The following FABP6 variants were observed in gnomAD, a reference collection of about 807,000 sequenced individuals.
The protein encoded by FABP6 is fatty acid binding protein 6, also known as gastrotropin.
Under a neutral mutation model 14.9 loss-of-function variants are expected in FABP6, and 13 were observed. The ratio of observed to expected loss-of-function variants is 0.87; its 90% CI spans 0.57 to 1.39. The LOEUF is 1.39. Among genes scored for constraint, FABP6 ranks in the 40% most tolerant of loss-of-function variants. The probability of loss-of-function intolerance (pLI) is 0.00; values close to 1 mark genes in which losing one functional copy is unlikely to be tolerated. For synonymous variants in FABP6, 75 were observed against 63.6 expected (o/e 1.18, Z -0.85); for missense variants, 161 against 167.2 (o/e 0.96, Z 0.20).
In FABP6 at chr5:160,218,412, A is replaced by G. The variant is rs75584667; in HGVS notation, c.135+4593A>G. Among the ~76,000 whole-genome samples, 47 of 149,734 alleles carry G rather than the reference A, an allele frequency of 3.1e-4. 1 individual carries two copies. The East Asian group carries it at 8.2e-3, about 26-fold the overall frequency. The stretch of plus-strand genomic sequence containing the variant: ...AGAGTCTCTGTCTCTTTCGTGTCTC[A>G]TTGTGGATAAACAAAGCGCCAACTG... On this transcript the variant is annotated intron_variant, in intron 3 of 6. Transcript: ENST00000393980.
chr5:160,233,126 C>T (rs1043536421), intron 2 of FABP6, among the ~76,000 whole-genome samples: 5 of 151,226 alleles, frequency 3.3e-5, no homozygotes, highest in Admixed American at 6.6e-5. Context: ...GGATTACAGG[C>T]GTGCACCACC....
chr5:160,233,223 G>A (rs952080654), intron 2 of FABP6, among the ~76,000 whole-genome samples: 5 of 151,744 alleles, frequency 3.3e-5, no homozygotes, highest in East Asian at 2.0e-4. Context: ...CTTGTGATCC[G>A]CCCACCTTGA....
intron 2 of FABP6, among the ~76,000 whole-genome samples, chr5:160,200,416 AT>A (rs3044576): frequency 1.5e-4 from 21 of 143,748 alleles, no homozygotes; most frequent in Admixed American, 4.9e-4. Context: ...TTTTTTTTCT[AT>A]TTTTTTTTTT....
At chr5:160,210,811 A>G (rs995753771) in intron 2 of FABP6, among the ~76,000 whole-genome samples, 1 of 152,222 alleles carries the variant, frequency 6.6e-6, no homozygotes, top group Non-Finnish European at 1.5e-5. Context: ...CTAAATTACA[A>G]CGAGTGTCCT....
chr5:160,223,607 G>A (rs10463077), intron 3 of FABP6, among the ~76,000 whole-genome samples: 8,739 of 151,062 alleles, frequency 0.058, 495 homozygotes, highest in East Asian at 0.35. Flanking sequence ...TTTTTTTATA[G>A]AGATGATTTT....
chr5:160,215,897 A>G (rs1208915890), intron 3 of FABP6, among the ~76,000 whole-genome samples: 1 of 152,148 alleles, frequency 6.6e-6, no homozygotes, highest in Non-Finnish European at 1.5e-5. Context: ...CATGAACTTG[A>G]GGTGGTGTTA....
chr5:160,229,136 T>C (rs1466770449), upstream of FABP6, among the ~76,000 whole-genome samples: 1 of 152,222 alleles, frequency 6.6e-6, no homozygotes, highest in Non-Finnish European at 1.5e-5. Context: ...CTCGTTCATC[T>C]GTGTTTCTTC....
intron 1 of FABP6, among the ~76,000 whole-genome samples, chr5:160,194,192 G>A (rs1369023727): frequency 6.6e-6 from 1 of 152,218 alleles, no homozygotes; most frequent in African/African-American, 2.4e-5. Flanking sequence ...TGCTCCCAGT[G>A]CGGGACCCAC....
At chr5:160,233,457 C>A (rs901749054) in intron 2 of FABP6, among the ~76,000 whole-genome samples, 3 of 152,348 alleles carry the variant, frequency 2.0e-5, no homozygotes, top group Admixed American at 6.5e-5. Context: ...AGACTACATA[C>A]AATCTCTAGC....
intron 3 of FABP6, among the ~76,000 whole-genome samples, chr5:160,216,217 G>A (rs1434987545): frequency 6.6e-6 from 1 of 151,974 alleles, no homozygotes; most frequent in Non-Finnish European, 1.5e-5. Context: ...GTGCTAGTAA[G>A]TACTTATTGA....
At chr5:160,216,350 C>A (rs903226076) in intron 3 of FABP6, among the ~76,000 whole-genome samples, 2 of 151,988 alleles carry the variant, frequency 1.3e-5, no homozygotes, top group Admixed American at 1.3e-4. Context: ...TCACTGCAAC[C>A]TTTGCCTCCT....
intron 1 of FABP6, among the ~76,000 whole-genome samples, chr5:160,187,783 G>A (rs1243215101): frequency 6.8e-6 from 1 of 147,076 alleles, no homozygotes; most frequent in Non-Finnish European, 1.5e-5. Context: ...AGACAGTTTC[G>A]CTCTTGCTGC....
intron 3 of FABP6, among the ~76,000 whole-genome samples, chr5:160,221,648 C>G (rs369395450): frequency 2.0e-5 from 3 of 152,128 alleles, no homozygotes; most frequent in East Asian, 1.9e-4. Flanking sequence ...AGCATGGCGA[C>G]AAAACATACT....
At chr5:160,189,452 A>G (rs1286394519) in intron 1 of FABP6, among the ~76,000 whole-genome samples, 1 of 152,200 alleles carries the variant, frequency 6.6e-6, no homozygotes, top group Non-Finnish European at 1.5e-5. Context: ...CATGTTGGCC[A>G]GGCTGGTCTC....
At chr5:160,224,400 G>T (rs1245151053) in intron 3 of FABP6, among the ~76,000 whole-genome samples, 1 of 152,152 alleles carries the variant, frequency 6.6e-6, no homozygotes, top group Non-Finnish European at 1.5e-5. Context: ...TCCAGCCTGG[G>T]TGACAGAGGG....
chr5:160,218,852 G>C (rs765203139), intron 3 of FABP6, among the ~76,000 whole-genome samples: 1 of 151,492 alleles, frequency 6.6e-6, no homozygotes, highest in Non-Finnish European at 1.5e-5. Context: ...TCAAACTCCT[G>C]GACTCAAGTG....
intron 1 of FABP6, chr5:160,197,921 C>CGTGTGTGTGTGTGT (rs34714032): frequency 0.06 from 7,639 of 126,854 alleles, 434 homozygotes; most frequent in South Asian, 0.088. Context: ...AAGGCTGCTT[C>CGTGTGTGTGTGTGT]GTGTGTGTGT....
intron 1 of FABP6, among the ~76,000 whole-genome samples, chr5:160,188,447 AT>A (rs1759332127): frequency 7.1e-6 from 1 of 140,218 alleles, no homozygotes; most frequent in Non-Finnish European, 1.6e-5. Flanking sequence ...CGGGGGAGGG[AT>A]TGGGGGGCCC....
chr5:160,201,648 C>A lies in FABP6; in HGVS notation c.51+2491C>A, dbSNP rs186319505. The stretch of plus-strand genomic sequence containing the variant: ...GGGATTCCCTCTCCCCTTCTCATTT[C>A]TCACCCTTCTTCTTTCTTCCTCTTT... On this transcript the variant is annotated intron_variant, in intron 2 of 6. Transcript: ENST00000393980. Among the ~76,000 whole-genome samples, 36 of 152,110 alleles carry A rather than the reference C, an allele frequency of 2.4e-4. No individual in the cohort carries two copies. In the East Asian group the frequency reaches 6.8e-3, roughly 29 times the overall value.
Sources: gnomAD v4.1 joint callset for allele counts (sites outside exome capture counted in the v4.1 genomes callset) on GRCh38, gnomAD v4.1.1 for gene constraint, MANE v1.5 for transcripts, NCBI Gene and HGNC (gene_info 2026-07-23, HGNC 2026-07-21) for gene names.